The following BBX variants were observed in gnomAD, a reference collection of about 807,000 sequenced individuals.
BBX encodes the protein BBX high mobility group box domain containing.
BBX carries 30 observed loss-of-function variants against 100.2 expected under a neutral mutation model. The ratio of observed to expected loss-of-function variants is 0.30; its 90% CI spans 0.22 to 0.41. The LOEUF is 0.41. BBX is among the 10% of genes least tolerant of loss of function. The probability of loss-of-function intolerance (pLI) is 1.00; values close to 1 mark genes in which losing one functional copy is unlikely to be tolerated. For synonymous variants in BBX, 376 were observed against 388.1 expected, an observed-to-expected ratio of 0.97 and a Z score of 0.37; for missense variants, 1,023 against 1,129.8, an observed-to-expected ratio of 0.91 and a Z score of 1.35.
chr3:107,693,833 T>C (rs1047008791), intron 3 of BBX, among the ~76,000 whole-genome samples: 3 of 149,940 alleles, frequency 2.0e-5, no homozygotes, highest in South Asian at 2.1e-4. Flanking sequence ...CCCATGAGCA[T>C]GGAATGTTCT....
At chr3:107,768,723 C>G (rs1046130358) in intron 10 of BBX, among the ~76,000 whole-genome samples, 2 of 139,956 alleles carry the variant, frequency 1.4e-5, no homozygotes, top group Non-Finnish European at 3.1e-5. Context: ...GACAGTAAAC[C>G]CAATACAAGC....
In BBX at chr3:107,772,886, C is replaced by G. The variant is rs1167889360; in HGVS notation, c.1165C>G (p.Pro389Ala). 5.6e-6 allele frequency: 9 copies of G among 1,611,306 alleles called. No individual in the cohort carries two copies. In the South Asian group the frequency reaches 8.9e-5, roughly 16 times the overall value. The change falls in exon 11 of 18, where the codon CCC (proline) becomes GCC (alanine). Residue 389 changes from proline to alanine, a missense_variant. Pro to Ala is a conservative substitution (Grantham distance 27). Transcript: ENST00000325805. The part of the protein sequence containing the change: ...DDIMAIKMED[P>A]KEIRKEELEE... ...CATAATGGCTATAAAAATGGAAGAT[C>G]CCAAAGAAATTAGAAAGGAAGAGTT...
intron 2 of BBX, among the ~76,000 whole-genome samples, chr3:107,623,238 T>TA (rs1259265712): frequency 6.6e-6 from 1 of 152,118 alleles, no homozygotes; most frequent in Non-Finnish European, 1.5e-5. Flanking sequence ...ATAAAGAGGA[T>TA]AAAAACAACA....
At chr3:107,788,406 T>G (rs1559744225) in intron 13 of BBX, among the ~76,000 whole-genome samples, 1 of 152,106 alleles carries the variant, frequency 6.6e-6, no homozygotes. Context: ...ACAATTGGCC[T>G]TCACAGCATG....
intron 5 of BBX, among the ~76,000 whole-genome samples, chr3:107,721,799 T>A (rs1318659822): frequency 6.6e-6 from 1 of 152,000 alleles, no homozygotes; most frequent in Non-Finnish European, 1.5e-5. Context: ...AATTGCCACA[T>A]CTGTAAAATG....
At chr3:107,542,906 C>T (rs1489743403) in intron 2 of BBX, among the ~76,000 whole-genome samples, 1 of 151,986 alleles carries the variant, frequency 6.6e-6, no homozygotes, top group Non-Finnish European at 1.5e-5. Context: ...GGCAATAAGG[C>T]ATGGCTTTCC....
intron 7 of BBX, among the ~76,000 whole-genome samples, chr3:107,737,304 CAGAGAGAGAG>C (rs10575069): frequency 1.4e-5 from 2 of 142,696 alleles, no homozygotes; most frequent in Non-Finnish European, 1.6e-5. Flanking sequence ...TACATACACA[CAGAGAGAGAG>C]AGAGAGAGAG....
At chr3:107,668,779 C>T (rs1185721112) in intron 3 of BBX, among the ~76,000 whole-genome samples, 1 of 152,040 alleles carries the variant, frequency 6.6e-6, no homozygotes, top group African/African-American at 2.4e-5. Context: ...AAAAATGTGC[C>T]GGAGACTTTT....
At chr3:107,780,248 A>G (rs888095475) in intron 13 of BBX, among the ~76,000 whole-genome samples, 1 of 152,116 alleles carries the variant, frequency 6.6e-6, no homozygotes, top group African/African-American at 2.4e-5. Flanking sequence ...AGCCAATAAA[A>G]TGGAACTTAA....
At position 107,715,888 on chromosome 3, in the gene BBX, C is replaced by A. The variant is rs1306404716; in HGVS notation, c.163-719C>A. On this transcript the variant is annotated intron_variant, in intron 4 of 17. Transcript: ENST00000325805. The stretch of plus-strand genomic sequence containing the variant: ...CAAAATTGATTTTGAAGGTTTAAGC[C>A]TAGAGGAGTTTATTCCTATCACCAG... Among the ~76,000 whole-genome samples, 5 of 152,254 alleles carry A rather than the reference C, an allele frequency of 3.3e-5. No homozygotes were observed. The East Asian group carries it at 9.6e-4, about 29-fold the overall frequency.
intron 2 of BBX, among the ~76,000 whole-genome samples, chr3:107,550,148 G>T (rs1427036621): frequency 6.6e-6 from 1 of 152,106 alleles, no homozygotes; most frequent in African/African-American, 2.4e-5. Context: ...CACAAGGAGT[G>T]TATACAACAG....
At chr3:107,785,180 A>G (rs532565351) in intron 13 of BBX, among the ~76,000 whole-genome samples, 2,626 of 138,462 alleles carry the variant, frequency 0.019, 68 homozygotes, top group African/African-American at 0.064. Context: ...TATCTGGGGG[A>G]AAAAAAAAAA....
At chr3:107,632,535 C>G (rs1173074795) in intron 2 of BBX, among the ~76,000 whole-genome samples, 7 of 151,864 alleles carry the variant, frequency 4.6e-5, no homozygotes, top group Non-Finnish European at 1.0e-4. Flanking sequence ...GCTTTTATGT[C>G]AGATGTTTGG....
At chr3:107,782,472 C>T (rs781155588) in intron 13 of BBX, among the ~76,000 whole-genome samples, 2 of 152,042 alleles carry the variant, frequency 1.3e-5, no homozygotes, top group East Asian at 1.9e-4. Context: ...ACCAGAGTTA[C>T]GCCTGACATT....
At chr3:107,546,206 A>G (rs563835856) in intron 2 of BBX, among the ~76,000 whole-genome samples, 1 of 152,284 alleles carries the variant, frequency 6.6e-6, no homozygotes, top group Non-Finnish European at 1.5e-5. Flanking sequence ...AAGACCTGGG[A>G]GCTACTGACC....
At position 107,794,450 on chromosome 3, in the gene BBX, C is replaced by A. The variant is rs150237718; in HGVS notation, c.2353+3151C>A. Among the ~76,000 whole-genome samples, 962 of 151,646 alleles carry A rather than the reference C, an allele frequency of 6.3e-3. 10 individuals carry two copies. Among genetic ancestry groups the A allele is most frequent in the African/African-American group, 0.022 (901 of 41,346 alleles). On this transcript the variant is annotated intron_variant, in intron 15 of 17. Coordinates refer to ENST00000325805, the MANE Select transcript of BBX (RefSeq NM_001142568.3). ...TATTTCACAACGGGGAAAAAAAAAA[C>A]CCCAAAACCTAGGACTAGGAATCTC... is the stretch of plus-strand genomic sequence containing the variant.
At chr3:107,676,943 A>G (rs931136047) in intron 3 of BBX, among the ~76,000 whole-genome samples, 5 of 152,124 alleles carry the variant, frequency 3.3e-5, no homozygotes, top group African/African-American at 9.7e-5. Context: ...CATTATCCTG[A>G]AGCATTCTTG....
At chr3:107,610,457 T>C (rs778889802) in intron 2 of BBX, among the ~76,000 whole-genome samples, 12 of 152,112 alleles carry the variant, frequency 7.9e-5, no homozygotes, top group Non-Finnish European at 1.5e-4. Context: ...AGTCTGCAGC[T>C]CTTATTGGGG....
In BBX at chr3:107,789,788, T is replaced by C. The variant is rs962570744; in HGVS notation, c.2205T>C (p.Gly735=). The change falls in exon 14 of 18, where the codon GGT becomes GGC. Residue 735 remains glycine, a splice_region_variant and synonymous_variant. Transcript: ENST00000325805. ...VSSEPTKTSK[G]PFQSQKKNLF... ...TATTTATATTAATATTGTCTGTAGG[T>C]CCTTTCCAGTCTCAGAAAAAGAACT... 1.3e-6 allele frequency: 2 copies of C among 1,520,572 alleles called. No individual in the cohort carries two copies. Among genetic ancestry groups the C allele is most frequent in the African/African-American group, 2.8e-5 (2 of 72,288 alleles). The allele number at this position is 1,520,572 out of a possible 1,614,324, so 94.2% of individuals were successfully genotyped here.
Sources: gnomAD v4.1 joint callset for allele counts (sites outside exome capture counted in the v4.1 genomes callset) on GRCh38, gnomAD v4.1.1 for gene constraint, MANE v1.5 for transcripts, NCBI Gene and HGNC (gene_info 2026-07-23, HGNC 2026-07-21) for gene names.